The following KCNN2 variants were observed in gnomAD, a reference collection of about 807,000 sequenced individuals.
KCNN2 encodes the protein potassium calcium-activated channel subfamily N member 2, also known as small conductance calcium-activated potassium channel protein 2.
In KCNN2, 24 loss-of-function variants were observed where a neutral mutation model predicts 55.5. That is an observed-to-expected ratio of 0.43 (90% confidence interval 0.31 to 0.61). The LOEUF is 0.61. KCNN2 is among the 20% of genes least tolerant of loss of function. The pLI is 0.08. For synonymous variants in KCNN2, 431 were observed against 336.1 expected (o/e 1.28, Z -3.09); for missense variants, 754 against 853.6 (o/e 0.88, Z 1.45).
intron 3 of KCNN2, among the ~76,000 whole-genome samples, chr5:114,448,961 A>G (rs773491438): frequency 2.6e-5 from 4 of 152,204 alleles, no homozygotes; most frequent in African/African-American, 4.8e-5. Flanking sequence ...TCTCAGGAAT[A>G]CGTGACTGAT....
At chr5:114,407,323 A>G (rs1028011766) in intron 3 of KCNN2, among the ~76,000 whole-genome samples, 6 of 152,046 alleles carry the variant, frequency 3.9e-5, no homozygotes, top group African/African-American at 9.7e-5. Context: ...TGCTCTATAT[A>G]TGGAAGATAA....
chr5:114,369,109 A>G (rs986140466), intron 2 of KCNN2, among the ~76,000 whole-genome samples: 4 of 152,170 alleles, frequency 2.6e-5, no homozygotes, highest in African/African-American at 9.7e-5. Flanking sequence ...ATGGAAAGGT[A>G]TTGCCCACTA....
chr5:114,451,347 A>G (rs537752561), intron 3 of KCNN2, among the ~76,000 whole-genome samples: 2 of 152,312 alleles, frequency 1.3e-5, no homozygotes, highest in South Asian at 2.1e-4. Context: ...TAAGTTGTCT[A>G]TATCCCAAGT....
chr5:114,079,763 A>G (rs1750763182), intron 1 of KCNN2, among the ~76,000 whole-genome samples: 3 of 151,944 alleles, frequency 2.0e-5, no homozygotes, highest in African/African-American at 2.4e-5. Context: ...CAGTTCCCAA[A>G]TGTTTCTTGC....
At chr5:114,153,395 C>T (rs1752565370) in intron 1 of KCNN2, among the ~76,000 whole-genome samples, 1 of 152,090 alleles carries the variant, frequency 6.6e-6, no homozygotes, top group African/African-American at 2.4e-5. Flanking sequence ...CAATAGGGAC[C>T]CCTGTCAAGA....
chr5:114,158,254 G>A (rs947441178), intron 1 of KCNN2, among the ~76,000 whole-genome samples: 6 of 152,210 alleles, frequency 3.9e-5, no homozygotes, highest in African/African-American at 1.4e-4. Flanking sequence ...CATTTGTTAA[G>A]TAGGGAATCC....
At chr5:114,227,869 G>A (rs1754270101) in intron 2 of KCNN2, among the ~76,000 whole-genome samples, 1 of 152,098 alleles carries the variant, frequency 6.6e-6, no homozygotes, top group African/African-American at 2.4e-5. Flanking sequence ...GTATATATGA[G>A]TGTATATATA....
intron 2 of KCNN2, among the ~76,000 whole-genome samples, chr5:114,291,566 C>T (rs907519582): frequency 6.6e-6 from 1 of 152,098 alleles, no homozygotes; most frequent in Non-Finnish European, 1.5e-5. Context: ...ATATGTGCCA[C>T]ATTTTCCTAA....
intron 2 of KCNN2, among the ~76,000 whole-genome samples, chr5:114,260,984 A>G (rs750125615): frequency 2.0e-5 from 3 of 152,188 alleles, no homozygotes; most frequent in Non-Finnish European, 4.4e-5. Context: ...TAAGTCTACA[A>G]CCACTGCAGT....
upstream of KCNN2, among the ~76,000 whole-genome samples, chr5:114,360,777 C>A (rs1757395130): frequency 6.6e-6 from 1 of 152,220 alleles, no homozygotes; most frequent in Non-Finnish European, 1.5e-5. Flanking sequence ...TGGGCAGCGA[C>A]TATTCAGCCC....
In KCNN2 at chr5:114,423,194, C is replaced by G. The variant is rs1580816767; in HGVS notation, c.1637+18338C>G. ...TCTGTGCCTGGCACCAAGCACTAAA[C>G]CTGGAACAGAACCAGTGATCAGAAA... On this transcript the variant is annotated intron_variant, in intron 3 of 7. Transcript: ENST00000673685. 3.3e-5 allele frequency among the ~76,000 whole-genome samples: 5 copies of G among 152,250 alleles called. 1 individual carries two copies. Among genetic ancestry groups the G allele is most frequent in the Admixed American group, 3.3e-4 (5 of 15,292 alleles).
chr5:114,208,804 CTA>C (rs1753821956), intron 1 of KCNN2, among the ~76,000 whole-genome samples: 1 of 152,190 alleles, frequency 6.6e-6, no homozygotes, highest in African/African-American at 2.4e-5. Flanking sequence ...TTATCTCACT[CTA>C]TCACCAACCT....
chr5:114,088,964 A>G (rs1436312703), intron 1 of KCNN2, among the ~76,000 whole-genome samples: 1 of 152,240 alleles, frequency 6.6e-6, no homozygotes, highest in African/African-American at 2.4e-5. Context: ...TTAAAAAATT[A>G]TTCTCACCAT....
At chr5:114,111,201 A>C (rs370686052) in intron 1 of KCNN2, among the ~76,000 whole-genome samples, 1 of 152,210 alleles carries the variant, frequency 6.6e-6, no homozygotes. Flanking sequence ...CTGATCTTTG[A>C]CAAACCTGGC....
At chr5:114,450,721 A>T (rs188988650) in intron 3 of KCNN2, among the ~76,000 whole-genome samples, 195 of 152,222 alleles carry the variant, frequency 1.3e-3, no homozygotes, top group African/African-American at 4.3e-3. Flanking sequence ...CAGGAGTAAT[A>T]CCGCCCCCAG....
At position 114,310,440 on chromosome 5, in the gene KCNN2, T is replaced by A. The variant is rs536496601; in HGVS notation, c.-184-50505T>A. 2.6e-5 allele frequency among the ~76,000 whole-genome samples: 4 copies of A among 152,302 alleles called. 1 individual carries two copies. The South Asian group carries it at 8.3e-4, about 32-fold the overall frequency. On this transcript the variant is annotated intron_variant, in intron 2 of 10. Transcript: ENST00000512097. ...TTGAAAAAAATTAAACACATTAAAGTGAGGACCAGATAAACTAAAAGTATC... is the reference window on the plus strand; with the variant it reads ...TTGAAAAAAATTAAACACATTAAAGAGAGGACCAGATAAACTAAAAGTATC...
At chr5:114,286,465 G>C (rs1227911465) in intron 2 of KCNN2, among the ~76,000 whole-genome samples, 1 of 152,140 alleles carries the variant, frequency 6.6e-6, no homozygotes, top group Non-Finnish European at 1.5e-5. Flanking sequence ...CGATCATCCA[G>C]AGAAGTTAAG....
At chr5:114,411,541 A>T (rs1237363818) in intron 3 of KCNN2, among the ~76,000 whole-genome samples, 1 of 152,144 alleles carries the variant, frequency 6.6e-6, no homozygotes, top group African/African-American at 2.4e-5. Context: ...AAGGCCTGTG[A>T]ATCCAAAGAG....
chr5:114,397,396 A>T (rs1580788653), intron 2 of KCNN2, among the ~76,000 whole-genome samples: 1 of 151,654 alleles, frequency 6.6e-6, no homozygotes, highest in Non-Finnish European at 1.5e-5. Flanking sequence ...TTAGTTTTTT[A>T]TTTTTTTGAG....
Sources: gnomAD v4.1 joint callset for allele counts (sites outside exome capture counted in the v4.1 genomes callset) on GRCh38, gnomAD v4.1.1 for gene constraint, MANE v1.5 for transcripts, NCBI Gene and HGNC (gene_info 2026-07-23, HGNC 2026-07-21) for gene names.